The following DENND2A variants were observed in gnomAD, a reference collection of about 807,000 sequenced individuals.
The protein encoded by DENND2A is DENN domain containing 2A.
Under a neutral mutation model 105.3 loss-of-function variants are expected in DENND2A, and 53 were observed. The ratio of observed to expected loss-of-function variants is 0.50; its 90% CI spans 0.40 to 0.63. The LOEUF (loss-of-function observed/expected upper bound fraction) is 0.63. DENND2A is among the 30% of genes least tolerant of loss of function. DENND2A has a pLI of 0.00. For missense variants in DENND2A, 1,138 were observed against 1,279.6 expected (o/e 0.89, Z 1.69); for synonymous variants, 522 against 508.4 (o/e 1.03, Z -0.36).
rs1798001420 is a variant in DENND2A at position 140,569,510 on chromosome 7, G to A, written c.1540+135C>T. The stretch of plus-strand genomic sequence containing the variant: ...CTCCCAGCCCCACCACTGTCCCAAA[G>A]ACAGTGCGGGACATTTACAAAGCAT... On this transcript the variant is annotated intron_variant, in intron 7 of 19. Coordinates refer to ENST00000496613, the MANE Select transcript of DENND2A (RefSeq NM_015689.5). 3 of 718,126 alleles carry A rather than the reference G, an allele frequency of 4.2e-6. No individual in the cohort carries two copies. In the Admixed American group the frequency reaches 6.0e-5, roughly 14 times the overall value. 44.5% of individuals were successfully genotyped at this position (718,126 alleles called of 1,614,324 possible). A position where few individuals can be genotyped will look rare whatever the true frequency, so the allele number is the denominator to read the frequency against.
chr7:140,575,674 T>C (rs1585670358), intron 5 of DENND2A, among the ~76,000 whole-genome samples: 1 of 152,198 alleles, frequency 6.6e-6, no homozygotes, highest in East Asian at 1.9e-4. Flanking sequence ...ATTTAAAAAA[T>C]CTTAATGTAC....
chr7:140,523,302 C>T lies in DENND2A; in HGVS notation c.2665+5G>A, dbSNP rs1281877141. 2.5e-6 allele frequency: 4 copies of T among 1,613,986 alleles called. No homozygotes were observed. Among genetic ancestry groups the T allele is most frequent in the Admixed American group, 3.3e-5 (2 of 59,996 alleles). On this transcript the variant is annotated splice_donor_5th_base_variant and intron_variant, in intron 17 of 19. Coordinates refer to ENST00000496613, the MANE Select transcript of DENND2A (RefSeq NM_015689.5). This position sits in a 1 kb window ranked among gnomAD's most constrained non-coding sequence, Gnocchi z 4.5. Reference sequence around the variant, plus strand: ...AGACCCACTGGGAGGTGGCTGAACACTTACCGTGCCTGCCGTCTAGGGGCC... The same window carrying T: ...AGACCCACTGGGAGGTGGCTGAACATTTACCGTGCCTGCCGTCTAGGGGCC...
chr7:140,628,539 T>TC (rs911458137), intron 1 of DENND2A, among the ~76,000 whole-genome samples: 8 of 145,510 alleles, frequency 5.5e-5, no homozygotes, highest in South Asian at 2.2e-4. Flanking sequence ...TTTCTTTCTT[T>TC]TTTTTTTTTT....
At position 140,554,219 on chromosome 7, in the gene DENND2A, C is replaced by T. The variant is rs1326685557; in HGVS notation, c.2037+1417G>A. Among the ~76,000 whole-genome samples the T allele has an allele frequency of 3.3e-5, 5 of 150,520 alleles. No individual in the cohort carries two copies. The East Asian group carries it at 5.9e-4, about 18-fold the overall frequency. On this transcript the variant is annotated intron_variant, in intron 12 of 19. Transcript: ENST00000496613. ...CCAGCCTGGCGACAGAACGAGACTC[C>T]GTCTCAAAAAAAAAAAATGCTTTTA...
At chr7:140,574,562 C>T (rs1798226503) in intron 5 of DENND2A, among the ~76,000 whole-genome samples, 1 of 152,114 alleles carries the variant, frequency 6.6e-6, no homozygotes, top group Admixed American at 6.5e-5. Context: ...TGCCTCAATC[C>T]CAAGACGTTA....
intron 14 of DENND2A, among the ~76,000 whole-genome samples, chr7:140,538,470 C>A (rs1195363354): frequency 1.3e-5 from 2 of 152,068 alleles, no homozygotes; most frequent in Non-Finnish European, 2.9e-5. Flanking sequence ...GATGAGGGTA[C>A]CAGCTGTAAT....
At chr7:140,574,073 G>T in intron 5 of DENND2A, 65 bp from the exon 6 acceptor site, 1 of 1,566,174 alleles carries the variant, frequency 6.4e-7, no homozygotes, top group Non-Finnish European at 8.8e-7. Flanking sequence ...GGGATAACTG[G>T]TGGTGCCAGG....
chr7:140,594,628 CAG>C (rs1799209591), intron 3 of DENND2A, among the ~76,000 whole-genome samples: 2 of 152,212 alleles, frequency 1.3e-5, no homozygotes, highest in Non-Finnish European at 2.9e-5. Context: ...CCCGTGAGGA[CAG>C]AGTCTCCGTC....
In DENND2A at chr7:140,593,336, G is replaced by A. The variant is rs115888279; in HGVS notation, c.996-5556C>T. Among the ~76,000 whole-genome samples the A allele has an allele frequency of 6.0e-3, 915 of 152,306 alleles. 6 individuals are homozygous for A. The highest frequency in any genetic ancestry group is 0.02 in the African/African-American group (850 of 41,568). On this transcript the variant is annotated intron_variant, in intron 3 of 19. Coordinates refer to ENST00000496613, the MANE Select transcript of DENND2A (RefSeq NM_015689.5). ...CACTCAGCCTCACTTTACTTCCCAG[G>A]TCCTCAAATGATCGTTTGATATTTG...
At position 140,602,094 on chromosome 7, in the gene DENND2A, C is replaced by T. The variant is rs1799533420; in HGVS notation, c.304G>A (p.Gly102Arg). ...VTEAKNGMRP[G>R]TESTEKERNK... The stretch of plus-strand genomic sequence containing the variant: ...CTCTCCTTCTCTGTGCTCTCTGTTC[C>T]TGGCCTCATTCCATTCTTAGCCTCT... The change falls in exon 3 of 20, where the codon GGA becomes AGA. Residue 102 changes from glycine (G) to arginine (R), a missense_variant. By Grantham distance (125) the Gly-to-Arg change is moderately radical. Around this residue, in one of 2 missense-constraint regions of DENND2A, gnomAD observed 511 missense variants for 499.9 expected, o/e 1.02. Coordinates refer to ENST00000496613, the MANE Select transcript of DENND2A (RefSeq NM_015689.5). 6.2e-7 allele frequency: 1 copy of T among 1,614,062 alleles called. No individual in the cohort carries two copies. Among genetic ancestry groups the T allele is most frequent in the African/African-American group, 1.3e-5 (1 of 74,916 alleles).
At chr7:140,532,194 G>A (rs1322806724) in intron 14 of DENND2A, among the ~76,000 whole-genome samples, 3 of 152,244 alleles carry the variant, frequency 2.0e-5, no homozygotes, top group East Asian at 1.9e-4. Flanking sequence ...GCTTGAATCC[G>A]AGAGGCAGAA....
At chr7:140,576,460 T>C (rs1043338922) in intron 5 of DENND2A, among the ~76,000 whole-genome samples, 1 of 152,142 alleles carries the variant, frequency 6.6e-6, no homozygotes, top group Non-Finnish European at 1.5e-5. Flanking sequence ...TAAACCATTT[T>C]CCCCCAAAAT....
chr7:140,624,490 CA>C (rs1563185172), intron 1 of DENND2A, among the ~76,000 whole-genome samples: 3 of 152,170 alleles, frequency 2.0e-5, no homozygotes, highest in African/African-American at 4.8e-5. Context: ...CACTGTGGCC[CA>C]GGGGGGTTTT....
rs1251013138 is a variant in DENND2A, at chr7:140,538,158, T to C, written c.2327+6460A>G. Among the ~76,000 whole-genome samples the C allele has an allele frequency of 2.0e-5, 3 of 152,330 alleles. No individual in the cohort carries two copies. The East Asian group carries it at 5.8e-4, about 29-fold the overall frequency. ...ACCCTTTTATAACTCATACAATCTT[T>C]GCCATAACTCCCTGAAGCTTCCTCT... On this transcript the variant is annotated intron_variant, in intron 14 of 19. Coordinates refer to ENST00000496613, the MANE Select transcript of DENND2A (RefSeq NM_015689.5).
chr7:140,564,058 G>A (rs1585642222), intron 9 of DENND2A, among the ~76,000 whole-genome samples: 1 of 152,028 alleles, frequency 6.6e-6, no homozygotes, highest in Non-Finnish European at 1.5e-5. Context: ...TGAAGTGGGC[G>A]GATCATTTGA....
intron 14 of DENND2A, among the ~76,000 whole-genome samples, chr7:140,539,600 C>T (rs942756623): frequency 6.6e-6 from 1 of 152,226 alleles, no homozygotes; most frequent in Non-Finnish European, 1.5e-5. Context: ...GCAGCTCTCC[C>T]ACTCCCTGCT....
chr7:140,575,842 AC>A (rs1475549819), intron 5 of DENND2A, among the ~76,000 whole-genome samples: 2 of 151,870 alleles, frequency 1.3e-5, no homozygotes, highest in African/African-American at 2.4e-5. Context: ...GGTGGCATGC[AC>A]CTGTAGTCTC....
At chr7:140,622,590 T>C (rs1431268371) in intron 1 of DENND2A, among the ~76,000 whole-genome samples, 2 of 152,108 alleles carry the variant, frequency 1.3e-5, no homozygotes, top group Non-Finnish European at 1.5e-5. Flanking sequence ...TCAGTGCTCA[T>C]GAGTATAAAA....
At chr7:140,583,941 A>AAAT (rs1798661992) in intron 5 of DENND2A, among the ~76,000 whole-genome samples, 1 of 137,858 alleles carries the variant, frequency 7.3e-6, no homozygotes, top group African/African-American at 2.9e-5. Context: ...AAAAAAAAAA[A>AAAT]GTCAAATTTC....
Sources: allele counts gnomAD v4.1 joint callset (sites outside exome capture counted in the v4.1 genomes callset), GRCh38; gene constraint gnomAD v4.1.1; regional missense constraint gnomAD v4.1.1; non-coding constraint Gnocchi (gnomAD v3.1); transcripts MANE v1.5; gene names NCBI Gene and HGNC (gene_info 2026-07-23, HGNC 2026-07-21).